Variants in PIGG observed in about 807,000 individuals in gnomAD.
PIGG encodes phosphatidylinositol glycan anchor biosynthesis class G (EMM blood group).
A neutral mutation model predicts 83.2 loss-of-function variants in PIGG; 70 were observed. That is an observed-to-expected ratio of 0.84 (90% CI 0.69 to 1.03). The LOEUF is 1.03. PIGG is among the 50% of genes least tolerant of loss of function. PIGG has a pLI of 0.00. For synonymous variants in PIGG, 532 were observed against 519.5 expected (o/e 1.02, Z -0.33); for missense variants, 1,257 against 1,233.6 (o/e 1.02, Z -0.28).
At chr4:526,128 A>T (rs1160410871) in intron 9 of PIGG, among the ~76,000 whole-genome samples, 1 of 152,238 alleles carries the variant, frequency 6.6e-6, no homozygotes, top group Non-Finnish European at 1.5e-5. Context: ...GGCAGCCCAC[A>T]TTCATATAAT....
intron 1 of PIGG, 44 bp downstream of exon 1, chr4:499,533 C>T (rs782818147): frequency 2.0e-6 from 3 of 1,537,316 alleles, no homozygotes; most frequent in Admixed American, 2.0e-5. Flanking sequence ...GACCCCACAT[C>T]CCCTAGAAGA....
intron 2 of PIGG, 26 bp from the exon 3 acceptor site, chr4:505,692 C>CTAA: frequency 6.3e-7 from 1 of 1,582,634 alleles, no homozygotes; most frequent in South Asian, 1.1e-5. Context: ...ATTCAGTGGC[C>CTAA]TAATTCTTGC....
Position 515,357 on chromosome 4 carries a change from T to C in PIGG, c.902-616T>C, listed in dbSNP as rs981238466. 9.2e-5 allele frequency among the ~76,000 whole-genome samples: 14 copies of C among 152,216 alleles called. No individual in the cohort carries two copies. The highest frequency in any genetic ancestry group is 3.1e-4 in the African/African-American group (13 of 41,468). ...CATCACAGCCATTCTTGCAAGGAGA[T>C]GGTAGGATAGCCACTCACTGTTCAG... On this transcript the variant is annotated intron_variant, in intron 5 of 12. Coordinates refer to ENST00000453061, the MANE Select transcript of PIGG (RefSeq NM_001127178.3). The surrounding 1 kb of genome is among the most constrained non-coding windows in gnomAD (Gnocchi z 4.2).
At chr4:521,599 ATTT>A in intron 7 of PIGG, 58 bp from the exon 8 acceptor site, 2 of 1,534,538 alleles carry the variant, frequency 1.3e-6, no homozygotes, top group Non-Finnish European at 1.8e-6. Context: ...AGCTGGGCTT[ATTT>A]TTAAGTGGGT....
chr4:520,474 C>A (rs1469720560), intron 6 of PIGG, among the ~76,000 whole-genome samples: 1 of 142,704 alleles, frequency 7.0e-6, no homozygotes, highest in African/African-American at 2.9e-5. Context: ...GCAGAGAGGG[C>A]TGGAAGCTCT....
intron 5 of PIGG, among the ~76,000 whole-genome samples, chr4:509,589 G>A (rs557138833): frequency 2.0e-5 from 3 of 152,362 alleles, no homozygotes; most frequent in East Asian, 1.9e-4. Flanking sequence ...AATTTCTGCC[G>A]TCAGGCACAG....
At chr4:533,610 C>A in intron 11 of PIGG, 1 of 588,328 alleles carries the variant, frequency 1.7e-6, no homozygotes, top group Non-Finnish European at 3.0e-6. Flanking sequence ...GCACTGCAGG[C>A]AGGGGGAGGG....
rs368552417 is a variant in PIGG at position 536,482 on chromosome 4, G to T, written c.2735+2501G>T. Among the ~76,000 whole-genome samples, 18 of 152,368 alleles carry T rather than the reference G, an allele frequency of 1.2e-4. No homozygotes were observed. In the South Asian group the frequency reaches 2.9e-3, roughly 25 times the overall value. On this transcript the variant is annotated intron_variant, in intron 12 of 12. Transcript: ENST00000453061. The stretch of plus-strand genomic sequence containing the variant: ...GCTCTGCGGGCGGAAGCCACCAACA[G>T]ACCAGCTTGGGAGACACCCACTGTG...
Position 505,764 on chromosome 4 carries a change from A to G in PIGG, c.407A>G (p.Asn136Ser). 1 of 1,613,758 alleles carries G rather than the reference A, an allele frequency of 6.2e-7. No homozygotes were observed. The highest frequency in any genetic ancestry group is 8.5e-7 in the Non-Finnish European group (1 of 1,179,924). Residue 136 changes from asparagine to serine, a missense_variant, in exon 3 of 13, where the codon AAC (asparagine) becomes AGC (serine). Transcript: ENST00000453061. ...SLPGFVDVIR[N>S]LNSPALLEDS... ...CCTGGCTTTGTCGACGTCATCAGGA[A>G]CCTCAATTCTCCTGCACTGCTGGAA...
chr4:503,788 G>A (rs1239877074), intron 2 of PIGG, among the ~76,000 whole-genome samples: 2 of 151,152 alleles, frequency 1.3e-5, no homozygotes, highest in Non-Finnish European at 2.9e-5. Context: ...AGAGTAATTT[G>A]TATAGTTTGC....
At chr4:512,786 G>GC (rs1173353218) in intron 5 of PIGG, among the ~76,000 whole-genome samples, 3 of 152,076 alleles carry the variant, frequency 2.0e-5, no homozygotes, top group African/African-American at 4.8e-5. Context: ...CTGCACTCCA[G>GC]CTTGGCGACG....
intron 12 of PIGG, chr4:536,426 G>A (rs56021036): frequency 0.19 from 28,411 of 152,122 alleles, 3,184 homozygotes; most frequent in African/African-American, 0.32. Flanking sequence ...TACAGTCACC[G>A]CTGAGCTTGT....
chr4:500,464 G>T lies in PIGG; in HGVS notation c.223G>T (p.Ala75Ser), dbSNP rs781925364. ...TAAAGTTGTTATTGTTCTGATAGATGCCTTGAGAGATGATTTTGTGTTTGG... is the reference window on the plus strand; with the variant it reads ...TAAAGTTGTTATTGTTCTGATAGATTCCTTGAGAGATGATTTTGTGTTTGG... Reference protein sequence around the residue: ...FSKVVIVLIDALRDDFVFGSK... With the variant: ...FSKVVIVLIDSLRDDFVFGSK... The change falls in exon 2 of 13, where the codon GCC becomes TCC. Residue 75 changes from alanine (A) to serine (S), a missense_variant. Coordinates refer to ENST00000453061, the MANE Select transcript of PIGG (RefSeq NM_001127178.3). 8 of 1,613,598 alleles carry T rather than the reference G, an allele frequency of 5.0e-6. No individual in the cohort carries two copies. Among genetic ancestry groups the T allele is most frequent in the Non-Finnish European group, 6.8e-6 (8 of 1,179,708 alleles).
chr4:506,507 CT>C (rs1425753586), intron 3 of PIGG, among the ~76,000 whole-genome samples: 3 of 152,196 alleles, frequency 2.0e-5, no homozygotes, highest in Non-Finnish European at 4.4e-5. Context: ...GCTTCACCTC[CT>C]AGATGGCTGG....
At chr4:522,072 G>A (rs1181890380) in intron 8 of PIGG, 131 bp downstream of exon 8, 1 of 963,928 alleles carries the variant, frequency 1.0e-6, no homozygotes, top group Non-Finnish European at 1.6e-6. Flanking sequence ...GCAGTGCCCT[G>A]GACAGGGGGC....
intron 3 of PIGG, chr4:506,718 C>T (rs1719843091): frequency 2.2e-6 from 1 of 454,890 alleles, no homozygotes; most frequent in Non-Finnish European, 4.4e-6. Context: ...CTATTGGGGG[C>T]TGATCAACTG....
At chr4:527,935 AGAG>A in intron 10 of PIGG, 2 of 985,392 alleles carry the variant, frequency 2.0e-6, no homozygotes, top group East Asian at 2.3e-4. Context: ...GAATATAAGC[AGAG>A]GCAGGAGCCT....
chr4:505,194 A>G (rs781926566), intron 2 of PIGG, among the ~76,000 whole-genome samples: 1 of 152,084 alleles, frequency 6.6e-6, no homozygotes, highest in Non-Finnish European at 1.5e-5. Flanking sequence ...TCGTCTCGCT[A>G]TCCCTAGCCG....
In PIGG at chr4:528,240, A is replaced by G. The variant is rs1007772102; in HGVS notation, c.2261+1010A>G. The G allele has an allele frequency of 3.6e-5, 35 of 979,648 alleles. No homozygotes were observed. The highest frequency in any genetic ancestry group is 1.1e-4 in the East Asian group (1 of 8,800). 60.7% of individuals were successfully genotyped at this position (979,648 alleles called of 1,614,324 possible). A position where few individuals can be genotyped will look rare whatever the true frequency, so the allele number is the denominator to read the frequency against. ...TAATTGTGTACCTGTTTTTTTTTTC[A>G]TACTTATATGAAAGACTACATACTT... On this transcript the variant is annotated intron_variant, in intron 10 of 12. Coordinates refer to ENST00000453061, the MANE Select transcript of PIGG (RefSeq NM_001127178.3). This position sits in a 1 kb window ranked among gnomAD's most constrained non-coding sequence, Gnocchi z 4.8.
Sources: gnomAD v4.1 joint callset for allele counts (sites outside exome capture counted in the v4.1 genomes callset) on GRCh38, gnomAD v4.1.1 for gene constraint, Gnocchi (gnomAD v3.1) non-coding constraint, MANE v1.5 for transcripts, NCBI Gene and HGNC (gene_info 2026-07-23, HGNC 2026-07-21) for gene names.